The following KPNB1 variants were observed in gnomAD, a reference collection of about 807,000 sequenced individuals.
KPNB1 encodes the protein karyopherin subunit beta 1, also known as importin subunit beta-1.
A neutral mutation model predicts 113.0 loss-of-function variants in KPNB1; 7 were observed. That is an observed-to-expected ratio of 0.06 (90% CI 0.04 to 0.12). The LOEUF is 0.12. KPNB1 is among the 10% of genes least tolerant of loss of function. The pLI is 1.00. For missense variants in KPNB1, 400 were observed against 1,054.8 expected, an observed-to-expected ratio of 0.38 and a Z score of 8.60; for synonymous variants, 363 against 378.6, an observed-to-expected ratio of 0.96 and a Z score of 0.48.
chr17:47,682,583 A>G lies in KPNB1; in HGVS notation c.*179A>G, dbSNP rs2030816927. The G allele has an allele frequency of 4.7e-6, 3 of 633,838 alleles. No homozygotes were observed. In the Admixed American group the frequency reaches 7.9e-5, roughly 17 times the overall value. 39.3% of individuals were successfully genotyped at this position (633,838 alleles called of 1,614,324 possible). On this transcript the variant is annotated 3_prime_UTR_variant, in exon 22 of 22. Transcript: ENST00000290158. Reference sequence around the variant, plus strand: ...GCCACAGCAGCAGCCGCAGCCGCCAACAGCAGCGCTGTTAGTGAGCTAAGT... The same window carrying G: ...GCCACAGCAGCAGCCGCAGCCGCCAGCAGCAGCGCTGTTAGTGAGCTAAGT...
At chr17:47,663,265 T>C in intron 7 of KPNB1, 87 bp downstream of exon 7, 1 of 763,882 alleles carries the variant, frequency 1.3e-6, no homozygotes, top group Non-Finnish European at 2.4e-6. Flanking sequence ...TTCTGTAATA[T>C]TTTACTTAAT....
intron 19 of KPNB1, chr17:47,679,736 G>T: frequency 4.6e-6 from 1 of 215,702 alleles, no homozygotes; most frequent in Non-Finnish European, 9.3e-6. Flanking sequence ...TTGCTCTGTC[G>T]CCTAGGCTGG....
Position 47,677,041 on chromosome 17 carries a change from T to C in KPNB1, c.2017T>C (p.Leu673=). ...EYQVCLAAVG[L]VGDLCRALQS... ...GCAGGTTTGTTTGGCAGCTGTGGGC[T>C]TAGTGGGAGACTTGTGCCGTGCCCT... Residue 673 remains leucine, a synonymous_variant, in exon 17 of 22, where the codon TTA becomes CTA. Transcript: ENST00000290158. The C allele has an allele frequency of 6.2e-7, 1 of 1,613,972 alleles. No individual in the cohort carries two copies. The highest frequency in any genetic ancestry group is 8.5e-7 in the Non-Finnish European group (1 of 1,179,952).
At chr17:47,663,666 A>G (rs1223933298) in intron 7 of KPNB1, among the ~76,000 whole-genome samples, 1 of 152,002 alleles carries the variant, frequency 6.6e-6, no homozygotes, top group Non-Finnish European at 1.5e-5. Flanking sequence ...TCTGTCTCAA[A>G]AAGAAAAAAG....
rs978686217 is a variant in KPNB1 at position 47,682,741 on chromosome 17, T to G, written c.*337T>G. On this transcript the variant is annotated 3_prime_UTR_variant, in exon 22 of 22. Transcript: ENST00000290158. ...AGGCTAGAAGTAGCTTTTCTGTCTT[T>G]TGGCCAGTGCCGAGTGGAATGCCTG... 3.0e-6 allele frequency: 1 copy of G among 333,074 alleles called. No homozygotes were observed. The allele number at this position is 333,074 out of a possible 1,614,324, so 20.6% of individuals were successfully genotyped here.
At position 47,666,470 on chromosome 17, in the gene KPNB1, A is replaced by G. The variant is rs371310447; in HGVS notation, c.999+1312A>G. Among the ~76,000 whole-genome samples the G allele has an allele frequency of 2.2e-4, 31 of 143,346 alleles. 1 individual carries two copies. In the East Asian group the frequency reaches 3.7e-3, roughly 17 times the overall value. 94.0% of individuals were successfully genotyped at this position (143,346 alleles called of 152,430 possible). ...TTATATATTATGTTATATATATTTT[A>G]TATAATGTTATATATTATATATTTT... On this transcript the variant is annotated intron_variant, in intron 9 of 21. Transcript: ENST00000290158.
intron 2 of KPNB1, chr17:47,651,339 A>T (rs1010730536): frequency 4.1e-6 from 4 of 985,298 alleles, no homozygotes; most frequent in Non-Finnish European, 4.8e-6. Context: ...ATGGGGTCAG[A>T]GGGAAGGATT....
chr17:47,668,616 A>G (rs1338980017), intron 10 of KPNB1, among the ~76,000 whole-genome samples: 5 of 152,230 alleles, frequency 3.3e-5, no homozygotes, highest in African/African-American at 9.6e-5. Flanking sequence ...GAAAGAAGCC[A>G]AAAGAGAAAA....
chr17:47,669,623 G>A (rs2143145445), intron 10 of KPNB1, 55 bp from the exon 11 acceptor site: 1 of 1,356,332 alleles, frequency 7.4e-7, no homozygotes, highest in East Asian at 2.3e-5. Flanking sequence ...TGGGGTAGTA[G>A]TTAACATGAA....
intron 4 of KPNB1, among the ~76,000 whole-genome samples, chr17:47,657,422 GT>G (rs1457811528): frequency 6.6e-6 from 1 of 152,190 alleles, no homozygotes; most frequent in African/African-American, 2.4e-5. Flanking sequence ...ATTACGGAAA[GT>G]TTTGCCAACA....
intron 5 of KPNB1, among the ~76,000 whole-genome samples, chr17:47,659,002 CAGTTATTCAA>C (rs2030002469): frequency 6.6e-6 from 1 of 151,910 alleles, no homozygotes. Context: ...TGCTTGAGTC[CAGTTATTCAA>C]GGCCAGCCTG....
At chr17:47,660,000 T>TA (rs2030043757) in intron 5 of KPNB1, among the ~76,000 whole-genome samples, 1 of 152,194 alleles carries the variant, frequency 6.6e-6, no homozygotes, top group Admixed American at 6.5e-5. Context: ...TTTACCATCT[T>TA]AAATCATTTT....
intron 5 of KPNB1, among the ~76,000 whole-genome samples, 160 bp from the exon 6 acceptor site, chr17:47,660,959 G>A (rs1456357998): frequency 6.6e-6 from 1 of 152,222 alleles, no homozygotes; most frequent in Non-Finnish European, 1.5e-5. Context: ...AGCCTTTATA[G>A]TGCTGTACCA....
Position 47,650,710 on chromosome 17 carries a change from C to A in KPNB1, c.99+266C>A, listed in dbSNP as rs563899368. Among the ~76,000 whole-genome samples, 697 of 152,228 alleles carry A rather than the reference C, an allele frequency of 4.6e-3. 3 individuals are homozygous for A. Among genetic ancestry groups the A allele is most frequent in the African/African-American group, 0.016 (678 of 41,558 alleles). ...CAATCGTTGCGCGGCCTGAGGGCGG[C>A]GGTGCAGCGGGAGGGAGAAAGAGGG... On this transcript the variant is annotated intron_variant, in intron 2 of 21. Transcript: ENST00000290158.
intron 3 of KPNB1, among the ~76,000 whole-genome samples, chr17:47,655,874 A>G (rs2096603443): frequency 6.6e-6 from 1 of 152,126 alleles, no homozygotes; most frequent in African/African-American, 2.4e-5. Flanking sequence ...TTTTGTTTCT[A>G]GGTTCTAGGG....
At chr17:47,657,135 T>A in intron 4 of KPNB1, 75 bp downstream of exon 4, 1 of 1,184,214 alleles carries the variant, frequency 8.4e-7, no homozygotes, top group Non-Finnish European at 1.2e-6. Context: ...ATATTAGTAC[T>A]ACCTTATTGA....
At chr17:47,660,463 G>T (rs2030060381) in intron 5 of KPNB1, among the ~76,000 whole-genome samples, 1 of 152,148 alleles carries the variant, frequency 6.6e-6, no homozygotes, top group Non-Finnish European at 1.5e-5. Flanking sequence ...GTTCTTTAGG[G>T]TAAATACCGA....
intron 5 of KPNB1, among the ~76,000 whole-genome samples, chr17:47,659,809 A>G (rs1336107876): frequency 6.6e-6 from 1 of 152,078 alleles, no homozygotes; most frequent in Non-Finnish European, 1.5e-5. Flanking sequence ...TGGGAAGCTG[A>G]GGTGGGAGGA....
rs761263460 is a variant in KPNB1, at chr17:47,678,008, T to G, written c.2104-38T>G. The G allele has an allele frequency of 9.4e-6, 15 of 1,595,310 alleles. No homozygotes were observed. The African/African-American group carries it at 1.6e-4, about 17-fold the overall frequency. On this transcript the variant is annotated intron_variant, in intron 17 of 21. Transcript: ENST00000290158. Reference sequence around the variant, plus strand: ...TTCATGAATCTTTGGACCAAACAAGTTTTGACTTAATTCACTTTTCCTTTT... The same window carrying G: ...TTCATGAATCTTTGGACCAAACAAGGTTTGACTTAATTCACTTTTCCTTTT...
Sources: gnomAD v4.1 joint callset for allele counts (sites outside exome capture counted in the v4.1 genomes callset) on GRCh38, gnomAD v4.1.1 for gene constraint, MANE v1.5 for transcripts, NCBI Gene and HGNC (gene_info 2026-07-23, HGNC 2026-07-21) for gene names.